GPC3: variants seen among roughly 807,000 people sequenced by gnomAD.
The protein encoded by GPC3 is glypican 3.
GPC3 carries 3 observed loss-of-function variants against 34.4 expected under a neutral mutation model. The ratio of observed to expected loss-of-function variants is 0.09; its 90% CI spans 0.04 to 0.23. The LOEUF is 0.23. Among genes scored for constraint, GPC3 ranks in the 10% least tolerant of loss-of-function variants. The pLI is 1.00. For synonymous variants in GPC3, 177 were observed against 174.0 expected, an observed-to-expected ratio of 1.02 and a Z score of -0.13; for missense variants, 351 against 445.6, an observed-to-expected ratio of 0.79 and a Z score of 1.91.
In GPC3 at chrX:133,935,335, C is replaced by T. The variant is rs2076318844; in HGVS notation, c.337+17715G>A. On this transcript the variant is annotated intron_variant, in intron 2 of 7. Coordinates refer to ENST00000370818, the MANE Select transcript of GPC3 (RefSeq NM_004484.4). ...AAGGCACATTTCTACTACAGTTTCA[C>T]CGTCTGTATTAAAGATGTCTGGGAA... Among the ~76,000 whole-genome samples, 3 of 112,043 alleles carry T rather than the reference C, an allele frequency of 2.7e-5. No individual in the cohort carries two copies. In the South Asian group the frequency reaches 1.1e-3, roughly 42 times the overall value.
intron 2 of GPC3, among the ~76,000 whole-genome samples, chrX:133,951,096 A>ATGTGT (rs2076391460): frequency 2.9e-5 from 2 of 68,323 alleles, no homozygotes; most frequent in African/African-American, 9.3e-5. Flanking sequence ...GTGTGTGTGA[A>ATGTGT]GTGAAAGAGA....
rs780667597 is a variant in GPC3 at position 133,753,945 on chromosome X, G to A, written c.569C>T (p.Ser190Leu). 3.3e-6 allele frequency: 4 copies of A among 1,209,056 alleles called. No homozygotes were observed. The African/African-American group carries it at 5.2e-5, about 16-fold the overall frequency. ...GAGGCACTCATTGATGTCCAAGGCT[G>A]AATCAGGCAGGCCTGGGTTCATTAG... ...TQLMNPGLPD[S>L]ALDINECLRG... Residue 190 changes from serine (S) to leucine (L), a missense_variant, in exon 3 of 8, where the codon TCA becomes TTA. Coordinates refer to ENST00000370818, the MANE Select transcript of GPC3 (RefSeq NM_004484.4).
intron 7 of GPC3, among the ~76,000 whole-genome samples, chrX:133,582,432 T>A: frequency 9.0e-6 from 1 of 111,495 alleles, no homozygotes; most frequent in Admixed American, 9.6e-5. Context: ...TGAGGAGGAA[T>A]ACAAGGCAGA....
chrX:133,647,716 C>T (rs1412361673), intron 6 of GPC3, among the ~76,000 whole-genome samples: 1 of 111,735 alleles, frequency 8.9e-6, no homozygotes, highest in Non-Finnish European at 1.9e-5. Flanking sequence ...ATCTAAGCAC[C>T]CACAGTGGCA....
intron 7 of GPC3, among the ~76,000 whole-genome samples, chrX:133,570,328 A>G (rs1292400714): frequency 9.0e-6 from 1 of 110,964 alleles, no homozygotes; most frequent in African/African-American, 3.3e-5. Flanking sequence ...TGGCCTCCCG[A>G]GTAGCTGAGA....
intron 2 of GPC3, among the ~76,000 whole-genome samples, chrX:133,952,397 C>T (rs991735666): frequency 8.9e-6 from 1 of 112,187 alleles, no homozygotes; most frequent in Non-Finnish European, 1.9e-5. Context: ...CCACCACCAC[C>T]TCCATCATCA....
At chrX:133,837,727 C>T (rs919582495) in intron 2 of GPC3, among the ~76,000 whole-genome samples, 4 of 111,673 alleles carry the variant, frequency 3.6e-5, no homozygotes, top group African/African-American at 1.3e-4. Flanking sequence ...CAGTTCTGTA[C>T]CTTGCTTTCG....
intron 2 of GPC3, among the ~76,000 whole-genome samples, chrX:133,813,213 G>A (rs1354088123): frequency 8.9e-6 from 1 of 112,411 alleles, no homozygotes; most frequent in South Asian, 3.7e-4. Flanking sequence ...CTAACACTAG[G>A]CCTACAAAAG....
rs758672411 is a variant in GPC3 at position 133,562,122 on chromosome X, G to C, written c.1574-25829C>G. On this transcript the variant is annotated intron_variant, in intron 7 of 7. Transcript: ENST00000370818. Reference sequence around the variant, plus strand: ...AATATGTACATGCACAGACATACAGGCATTCTGTTTTAACTTTGAGAGAAT... The same window carrying C: ...AATATGTACATGCACAGACATACAGCCATTCTGTTTTAACTTTGAGAGAAT... Among the ~76,000 whole-genome samples, 20 of 112,082 alleles carry C rather than the reference G, an allele frequency of 1.8e-4. No homozygotes were observed. In the East Asian group the frequency reaches 3.6e-3, roughly 20 times the overall value.
intron 5 of GPC3, among the ~76,000 whole-genome samples, chrX:133,663,733 G>A (rs1376311364): frequency 9.0e-6 from 1 of 111,539 alleles, no homozygotes; most frequent in Non-Finnish European, 1.9e-5. Flanking sequence ...TTTGGGACAA[G>A]AGATTATGAA....
chrX:133,870,344 A>G (rs2075988883), intron 2 of GPC3, among the ~76,000 whole-genome samples: 1 of 112,040 alleles, frequency 8.9e-6, no homozygotes, highest in South Asian at 3.7e-4. Flanking sequence ...TCCCAATTTC[A>G]TGACTTTTTT....
At chrX:133,835,960 G>T (rs1233124534) in intron 2 of GPC3, among the ~76,000 whole-genome samples, 1 of 112,758 alleles carries the variant, frequency 8.9e-6, no homozygotes, top group East Asian at 2.8e-4. Context: ...GAGAAGTAGT[G>T]ATATCCACAA....
intron 2 of GPC3, chrX:133,763,354 G>A: frequency 1.8e-6 from 1 of 549,805 alleles, no homozygotes; most frequent in Admixed American, 2.2e-5. Context: ...GCACACGCGT[G>A]GTACCATTTC....
intron 1 of GPC3, 78 bp from the exon 2 acceptor site, chrX:133,953,289 C>T: frequency 1.3e-6 from 1 of 779,484 alleles, no homozygotes; most frequent in Non-Finnish European, 2.0e-6. Flanking sequence ...ACCCCCACCC[C>T]CTACACACAC....
chrX:133,862,535 A>T (rs1277802194), intron 2 of GPC3, among the ~76,000 whole-genome samples: 1 of 108,455 alleles, frequency 9.2e-6, no homozygotes, highest in Non-Finnish European at 1.9e-5. Flanking sequence ...AAAAAAAAAA[A>T]AAAAATCAGC....
intron 2 of GPC3, among the ~76,000 whole-genome samples, chrX:133,806,174 T>C (rs1449935214): frequency 1.8e-5 from 2 of 112,453 alleles, no homozygotes; most frequent in Non-Finnish European, 3.8e-5. Flanking sequence ...CAAGGTTTTC[T>C]ACCTTGTTTT....
chrX:133,667,265 T>C (rs2070777243), intron 5 of GPC3, among the ~76,000 whole-genome samples: 1 of 112,059 alleles, frequency 8.9e-6, no homozygotes, highest in African/African-American at 3.2e-5. Context: ...TTCTTTAATA[T>C]AGTCACCATA....
chrX:133,692,258 T>C (rs2071071361), intron 5 of GPC3, 111 bp downstream of exon 5: 3 of 869,362 alleles, frequency 3.5e-6, no homozygotes, highest in Admixed American at 2.3e-5. Context: ...TAGATTTCTC[T>C]AGAATTTTTC....
intron 7 of GPC3, among the ~76,000 whole-genome samples, chrX:133,552,101 G>T (rs2069439355): frequency 8.9e-6 from 1 of 112,639 alleles, no homozygotes; most frequent in Non-Finnish European, 1.9e-5. Flanking sequence ...CTGGCCCTAG[G>T]CAGTGAGATC....
Sources: gnomAD v4.1 joint callset for allele counts (sites outside exome capture counted in the v4.1 genomes callset) on GRCh38, gnomAD v4.1.1 for gene constraint, MANE v1.5 for transcripts, NCBI Gene and HGNC (gene_info 2026-07-23, HGNC 2026-07-21) for gene names.